Variants in PATL2 observed in about 807,000 individuals in gnomAD.
The protein encoded by PATL2 is PAT1 homolog 2.
A neutral mutation model predicts 77.0 loss-of-function variants in PATL2; 73 were observed. That is an observed-to-expected ratio of 0.95 (90% CI 0.78 to 1.15). PATL2 has a LOEUF of 1.15. Among genes scored for constraint, PATL2 ranks in the 50% most tolerant of loss-of-function variants. The pLI is 0.00. For synonymous variants in PATL2, 265 were observed against 257.1 expected (o/e 1.03, Z -0.29); for missense variants, 618 against 655.4 (o/e 0.94, Z 0.62).
rs1209942781 is a variant in PATL2 at position 44,672,070 on chromosome 15, A to G, written c.602T>C (p.Val201Ala). 3 of 1,551,684 alleles carry G rather than the reference A, an allele frequency of 1.9e-6. No individual in the cohort carries two copies. Among genetic ancestry groups the G allele is most frequent in the Non-Finnish European group, 2.6e-6 (3 of 1,146,996 alleles). The part of the protein sequence containing the change: ...TRKEKDWVIK[V>A]QMVQLQSAKP... ...TGCACTCTGCAGCTGCACCATCTGC[A>G]CTTTTATCACCCAGTCCTTCTCTTT... Residue 201 changes from valine (V) to alanine (A), a missense_variant, in exon 9 of 18, where the codon GTG (valine) becomes GCG (alanine). Physicochemically the swap from Val to Ala is moderately conservative, Grantham distance 64. Coordinates refer to ENST00000682850, the MANE Select transcript of PATL2 (RefSeq NM_001387263.1).
At chr15:44,668,241 G>A in intron 15 of PATL2, 101 bp downstream of exon 15, 3 of 1,344,890 alleles carry the variant, frequency 2.2e-6, no homozygotes, top group Non-Finnish European at 1.0e-6. Context: ...CACTGCAGAG[G>A]ATAAGATTTG....
intron 3 of PATL2, among the ~76,000 whole-genome samples, chr15:44,696,818 C>T (rs1371578248): frequency 1.3e-5 from 2 of 152,108 alleles, no homozygotes; most frequent in African/African-American, 2.4e-5. Context: ...TCAGGCTGAA[C>T]ATCTTAGGTA....
chr15:44,703,986 T>C (rs2086683316), intron 3 of PATL2, among the ~76,000 whole-genome samples: 1 of 151,676 alleles, frequency 6.6e-6, no homozygotes, highest in African/African-American at 2.4e-5. Context: ...CTGTTGTATG[T>C]TGTTTTGGGG....
Position 44,686,144 on chromosome 15 carries a change from C to T in PATL2, c.-75-9579G>A, listed in dbSNP as rs181396687. On this transcript the variant is annotated intron_variant, in intron 3 of 17. Coordinates refer to ENST00000682850, the MANE Select transcript of PATL2 (RefSeq NM_001387263.1). Reference sequence around the variant, plus strand: ...CACATCGCACTTGTTCTAAAATTGACCACATAATTGGAAGTAAAACACTCC... The same window carrying T: ...CACATCGCACTTGTTCTAAAATTGATCACATAATTGGAAGTAAAACACTCC... Among the ~76,000 whole-genome samples, 3 of 152,234 alleles carry T rather than the reference C, an allele frequency of 2.0e-5. No individual in the cohort carries two copies. In the East Asian group the frequency reaches 5.8e-4, roughly 29 times the overall value.
chr15:44,669,932 C>A, intron 10 of PATL2, 35 bp downstream of exon 10: 2 of 1,549,834 alleles, frequency 1.3e-6, no homozygotes, highest in Non-Finnish European at 1.7e-6. Flanking sequence ...CACCCAGATG[C>A]CCAGCCCAAG....
chr15:44,705,622 T>C (rs936343111), intron 3 of PATL2, among the ~76,000 whole-genome samples: 3 of 152,192 alleles, frequency 2.0e-5, no homozygotes. Context: ...TAATTCTTTC[T>C]TCCACTTGAT....
Position 44,672,477 on chromosome 15 carries a change from G to A in PATL2, c.447-21C>T, listed in dbSNP as rs188828155. On this transcript the variant is annotated intron_variant, in intron 7 of 17. Transcript: ENST00000682850. ...GATGACTGGGAAGACAAGAAGTAAC[G>A]AGCTGGGTGGAAGGAAGCTCTCAGT... 271 of 1,547,314 alleles carry A rather than the reference G, an allele frequency of 1.8e-4. No individual in the cohort carries two copies. In the East Asian group the frequency reaches 3.7e-3, roughly 21 times the overall value.
At chr15:44,693,945 T>G (rs2086450758) in intron 3 of PATL2, among the ~76,000 whole-genome samples, 1 of 152,122 alleles carries the variant, frequency 6.6e-6, no homozygotes. Flanking sequence ...TCAGGTGATC[T>G]GCCAGCCTCA....
rs1243271243 is a variant in PATL2, at chr15:44,676,475, C to T, written c.16G>A (p.Gly6Arg). Reference protein sequence around the residue: MNCLEGPGKTCGPLAS... With the variant: MNCLERPGKTCGPLAS... ...AACATCACGGCCCACTTGTTGATACCTTCAAGGCAATTCATCTTGGCAGGC... is the reference window on the plus strand; with the variant it reads ...AACATCACGGCCCACTTGTTGATACTTTCAAGGCAATTCATCTTGGCAGGC... Residue 6 changes from glycine to arginine, a missense_variant and splice_region_variant, in exon 4 of 18, where the codon GGG (glycine) becomes AGG (arginine). Coordinates refer to ENST00000682850, the MANE Select transcript of PATL2 (RefSeq NM_001387263.1). 1.3e-6 allele frequency: 2 copies of T among 1,550,848 alleles called. No individual in the cohort carries two copies. Among genetic ancestry groups the T allele is most frequent in the Non-Finnish European group, 1.7e-6 (2 of 1,146,376 alleles).
At chr15:44,676,439 G>A (rs2085958940) in intron 4 of PATL2, 36 bp downstream of exon 4, 1 of 1,510,164 alleles carries the variant, frequency 6.6e-7, no homozygotes, top group Non-Finnish European at 9.0e-7. Context: ...GCATGCTGGG[G>A]CATTTTATAT....
chr15:44,672,263 G>A, intron 8 of PATL2, 107 bp from the exon 9 acceptor site: 3 of 1,533,738 alleles, frequency 2.0e-6, no homozygotes, highest in Non-Finnish European at 2.7e-6. Flanking sequence ...AGCAAGCACA[G>A]AGGTGGGCAA....
chr15:44,672,269 G>A, intron 8 of PATL2, 113 bp from the exon 9 acceptor site: 1 of 1,529,996 alleles, frequency 6.5e-7, no homozygotes. Flanking sequence ...CACAGAGGTG[G>A]GCAACAGTAT....
At position 44,669,422 on chromosome 15, in the gene PATL2, T is replaced by C; in HGVS notation, c.931-9A>G. 1.9e-6 allele frequency: 3 copies of C among 1,548,504 alleles called. No homozygotes were observed. The highest frequency in any genetic ancestry group is 2.6e-6 in the Non-Finnish European group (3 of 1,144,356). ...AGTAACTGAAGGAACATCTGGGAATTTGAGGGTGGAAAAAAGAGGTAAATT... is the reference window on the plus strand; with the variant it reads ...AGTAACTGAAGGAACATCTGGGAATCTGAGGGTGGAAAAAAGAGGTAAATT... On this transcript the variant is annotated splice_polypyrimidine_tract_variant and intron_variant, in intron 12 of 17. Coordinates refer to ENST00000682850, the MANE Select transcript of PATL2 (RefSeq NM_001387263.1).
chr15:44,680,894 C>G (rs1361907681), intron 3 of PATL2, among the ~76,000 whole-genome samples: 2 of 152,162 alleles, frequency 1.3e-5, no homozygotes, highest in African/African-American at 4.8e-5. Context: ...AATGCAGGGT[C>G]AAGACAAGTC....
intron 14 of PATL2, 120 bp downstream of exon 14, chr15:44,668,860 C>T: frequency 8.1e-7 from 1 of 1,235,746 alleles, no homozygotes; most frequent in Admixed American, 3.0e-5. Context: ...GCAAGGCCAG[C>T]ATCCCTCGCT....
intron 3 of PATL2, among the ~76,000 whole-genome samples, chr15:44,685,991 C>T (rs1428489397): frequency 6.6e-6 from 1 of 152,152 alleles, no homozygotes; most frequent in African/African-American, 2.4e-5. Context: ...CAATATTAGA[C>T]AGATCAACGA....
intron 3 of PATL2, 176 bp from the exon 4 acceptor site, chr15:44,676,741 T>C: frequency 1.6e-6 from 2 of 1,264,458 alleles, no homozygotes; most frequent in Non-Finnish European, 2.1e-6. Flanking sequence ...CCAGCTCGGC[T>C]CTAGGGAGCT....
intron 3 of PATL2, among the ~76,000 whole-genome samples, chr15:44,690,795 G>T (rs2086374021): frequency 6.6e-6 from 1 of 152,062 alleles, no homozygotes; most frequent in Admixed American, 6.6e-5. Flanking sequence ...ACAACTGCTT[G>T]TTATCATATA....
chr15:44,666,646 C>T, intron 16 of PATL2, 105 bp from the exon 17 acceptor site: 1 of 1,211,738 alleles, frequency 8.3e-7, no homozygotes, highest in Non-Finnish European at 1.1e-6. Flanking sequence ...TTGTCCCCCA[C>T]CCCCAGGTAG....
Sources: gnomAD v4.1 joint callset for allele counts (sites outside exome capture counted in the v4.1 genomes callset) on GRCh38, gnomAD v4.1.1 for gene constraint, MANE v1.5 for transcripts, NCBI Gene and HGNC (gene_info 2026-07-23, HGNC 2026-07-21) for gene names.